CAMK1G: variants seen among roughly 807,000 people sequenced by gnomAD.
CAMK1G encodes the protein calcium/calmodulin dependent protein kinase IG.
A neutral mutation model predicts 54.8 loss-of-function variants in CAMK1G; 27 were observed. The ratio of observed to expected loss-of-function variants is 0.49; its 90% CI spans 0.36 to 0.68. CAMK1G has a LOEUF of 0.68. Ranked by LOEUF, CAMK1G falls within the 30% of genes least tolerant of loss-of-function variation. CAMK1G has a pLI of 0.00. For synonymous variants in CAMK1G, 238 were observed against 224.9 expected (o/e 1.06, Z -0.52); for missense variants, 512 against 591.0 (o/e 0.87, Z 1.39).
intron 2 of CAMK1G, among the ~76,000 whole-genome samples, chr1:209,599,001 C>T (rs1665454035): frequency 6.6e-6 from 1 of 152,184 alleles, no homozygotes; most frequent in Admixed American, 6.5e-5. Flanking sequence ...AATTAACTCA[C>T]AGTTCAGCAT....
At chr1:209,601,398 T>C (rs1291503617) in intron 3 of CAMK1G, among the ~76,000 whole-genome samples, 1 of 152,060 alleles carries the variant, frequency 6.6e-6, no homozygotes, top group Non-Finnish European at 1.5e-5. Flanking sequence ...AACAATATAA[T>C]TGCTAGGGGT....
At position 209,612,901 on chromosome 1, in the gene CAMK1G, T is replaced by C. The variant is rs1571790089; in HGVS notation, c.*26T>C. 1 of 1,506,558 alleles carries C rather than the reference T, an allele frequency of 6.6e-7. No homozygotes were observed. The highest frequency in any genetic ancestry group is 9.2e-7 in the Non-Finnish European group (1 of 1,083,432). 93.3% of individuals were successfully genotyped at this position (1,506,558 alleles called of 1,614,324 possible). A position where few individuals can be genotyped will look rare whatever the true frequency, so the allele number is the denominator to read the frequency against. On this transcript the variant is annotated 3_prime_UTR_variant, in exon 12 of 13. Transcript: ENST00000361322. ...TTCCTGGAGCCTGTGCCTATGTCACTGCAATTTTCAGGTTAGGAGGGTCAC... is the reference window on the plus strand; with the variant it reads ...TTCCTGGAGCCTGTGCCTATGTCACCGCAATTTTCAGGTTAGGAGGGTCAC...
Position 209,612,929 on chromosome 1 carries a change from T to C in CAMK1G, c.*37+17T>C. 2 of 1,263,244 alleles carry C rather than the reference T, an allele frequency of 1.6e-6. No individual in the cohort carries two copies. Among genetic ancestry groups the C allele is most frequent in the Non-Finnish European group, 2.3e-6 (2 of 866,676 alleles). The allele number at this position is 1,263,244 out of a possible 1,614,324, so 78.3% of individuals were successfully genotyped here. The stretch of plus-strand genomic sequence containing the variant: ...AATTTTCAGGTTAGGAGGGTCACAG[T>C]GTGAGGCTTGGGGAGAGTTTCTGTC... On this transcript the variant is annotated intron_variant, in intron 12 of 12. Transcript: ENST00000361322.
chr1:209,593,038 A>G (rs956085994), intron 1 of CAMK1G, among the ~76,000 whole-genome samples: 1 of 152,254 alleles, frequency 6.6e-6, no homozygotes, highest in African/African-American at 2.4e-5. Flanking sequence ...CATGTGTATC[A>G]ATGTCTGTAT....
At chr1:209,598,945 A>G (rs1295850526) in intron 2 of CAMK1G, among the ~76,000 whole-genome samples, 1 of 152,216 alleles carries the variant, frequency 6.6e-6, no homozygotes, top group Non-Finnish European at 1.5e-5. Flanking sequence ...TTATACTGCT[A>G]TGAAGAACAG....
intron 7 of CAMK1G, among the ~76,000 whole-genome samples, chr1:209,608,450 T>C (rs1393407882): frequency 1.3e-5 from 2 of 152,102 alleles, no homozygotes; most frequent in African/African-American, 2.4e-5. Context: ...CCACCATCCC[T>C]CCTCACCTAT....
intron 2 of CAMK1G, among the ~76,000 whole-genome samples, chr1:209,596,612 A>G (rs1665389055): frequency 6.6e-6 from 1 of 151,802 alleles, no homozygotes; most frequent in Non-Finnish European, 1.5e-5. Context: ...TCTAAATTCA[A>G]CGTTGTTAAC....
intron 9 of CAMK1G, 101 bp from the exon 10 acceptor site, chr1:209,611,364 A>G (rs111343059): frequency 3.0e-6 from 3 of 1,006,998 alleles, no homozygotes; most frequent in Non-Finnish European, 4.6e-6. Context: ...TCCTCTGCAC[A>G]CTCTACCCAG....
intron 1 of CAMK1G, among the ~76,000 whole-genome samples, chr1:209,584,644 G>A (rs1193832880): frequency 2.0e-5 from 3 of 152,128 alleles, no homozygotes; most frequent in Non-Finnish European, 4.4e-5. Flanking sequence ...CAGGGCTCAC[G>A]CTGGTCTGGC....
chr1:209,601,452 A>G (rs187966661), intron 3 of CAMK1G, among the ~76,000 whole-genome samples: 1 of 152,188 alleles, frequency 6.6e-6, no homozygotes, highest in African/African-American at 2.4e-5. Flanking sequence ...ATAGAAAGAA[A>G]TTGGTTGGAA....
intron 11 of CAMK1G, 35 bp from the exon 12 acceptor site, chr1:209,612,750 A>G: frequency 6.3e-7 from 1 of 1,592,066 alleles, no homozygotes; most frequent in South Asian, 1.1e-5. Context: ...CTTCCCTCAA[A>G]TACTTCAAAG....
chr1:209,598,339 A>T lies in CAMK1G; in HGVS notation c.93-1644A>T, dbSNP rs551301127. On this transcript the variant is annotated intron_variant, in intron 2 of 12. Transcript: ENST00000361322. ...CTCTGATAACTGGTACAGAGTGATC[A>T]CCACCACCTAAAATTGAGAGACGAG... is the stretch of plus-strand genomic sequence containing the variant. 9.8e-5 allele frequency among the ~76,000 whole-genome samples: 15 copies of T among 152,346 alleles called. No individual in the cohort carries two copies. The South Asian group carries it at 2.7e-3, about 27-fold the overall frequency.
chr1:209,590,380 A>G (rs888437994), intron 1 of CAMK1G, among the ~76,000 whole-genome samples: 2 of 152,152 alleles, frequency 1.3e-5, no homozygotes, highest in African/African-American at 4.8e-5. Flanking sequence ...AGCCAAAGCT[A>G]TGGGGGTTTC....
intron 1 of CAMK1G, among the ~76,000 whole-genome samples, chr1:209,591,335 A>G (rs1665244047): frequency 6.6e-6 from 1 of 152,226 alleles, no homozygotes; most frequent in South Asian, 2.1e-4. Context: ...TAGGTCAATC[A>G]TGAAGGAGTT....
chr1:209,597,322 G>A (rs955370925), intron 2 of CAMK1G, among the ~76,000 whole-genome samples: 7 of 152,174 alleles, frequency 4.6e-5, no homozygotes, highest in Non-Finnish European at 8.8e-5. Context: ...CCTGTCTTAA[G>A]TGTCCATTTT....
At chr1:209,602,356 A>T (rs978425976) in intron 3 of CAMK1G, among the ~76,000 whole-genome samples, 6 of 152,136 alleles carry the variant, frequency 3.9e-5, no homozygotes, top group Non-Finnish European at 7.4e-5. Context: ...ATCACCATCT[A>T]AGTCATCCCA....
chr1:209,605,427 G>C (rs1222408277), intron 4 of CAMK1G, 109 bp from the exon 5 acceptor site: 2 of 1,330,800 alleles, frequency 1.5e-6, no homozygotes. Context: ...GTTCATGGGG[G>C]CCTGCCTGTT....
At chr1:209,610,850 C>T (rs1354062328) in intron 9 of CAMK1G, among the ~76,000 whole-genome samples, 1 of 152,126 alleles carries the variant, frequency 6.6e-6, no homozygotes, top group Admixed American at 6.5e-5. Flanking sequence ...GTAGTTGGCA[C>T]AGTACTATGC....
At position 209,602,158 on chromosome 1, in the gene CAMK1G, A is replaced by G. The variant is rs137957716; in HGVS notation, c.222-1056A>G. On this transcript the variant is annotated intron_variant, in intron 3 of 12. Coordinates refer to ENST00000361322, the MANE Select transcript of CAMK1G (RefSeq NM_020439.3). Reference sequence around the variant, plus strand: ...GGACTTCTCCACCATGATGCTGTCGACATTTTGAAACAGATAATTATTTGT... The same window carrying G: ...GGACTTCTCCACCATGATGCTGTCGGCATTTTGAAACAGATAATTATTTGT... Among the ~76,000 whole-genome samples, 557 of 152,292 alleles carry G rather than the reference A, an allele frequency of 3.7e-3. 2 individuals carry two copies. Among genetic ancestry groups the G allele is most frequent in the African/African-American group, 0.012 (519 of 41,558 alleles).
Sources: gnomAD v4.1 joint callset for allele counts (sites outside exome capture counted in the v4.1 genomes callset) on GRCh38, gnomAD v4.1.1 for gene constraint, MANE v1.5 for transcripts, NCBI Gene and HGNC (gene_info 2026-07-23, HGNC 2026-07-21) for gene names.